BBOF1: variants seen among roughly 807,000 people sequenced by gnomAD.
BBOF1 encodes basal body orientation factor 1, also known as basal body-orientation factor 1.
Under a neutral mutation model 68.0 loss-of-function variants are expected in BBOF1, and 62 were observed. The observed-to-expected ratio is 0.91, with a 90% CI of 0.74 to 1.13. The LOEUF is 1.13. Ranked by LOEUF, BBOF1 falls within the 50% of genes most tolerant of loss-of-function variation. The probability of loss-of-function intolerance (pLI) is 0.00; values close to 1 mark genes in which losing one functional copy is unlikely to be tolerated. For synonymous variants in BBOF1, 208 were observed against 198.8 expected, an observed-to-expected ratio of 1.05 and a Z score of -0.39; for missense variants, 534 against 600.1, an observed-to-expected ratio of 0.89 and a Z score of 1.15.
chr14:74,067,492 A>G (rs199734973), downstream of BBOF1: 3 of 1,614,232 alleles, frequency 1.9e-6, no homozygotes, highest in East Asian at 6.7e-5. Flanking sequence ...CAGCAGCTCC[A>G]AATGCTGCCC....
intron 6 of BBOF1, 128 bp from the exon 7 acceptor site, chr14:74,047,802 A>G: frequency 1.3e-6 from 1 of 757,720 alleles, no homozygotes; most frequent in Non-Finnish European, 2.0e-6. Flanking sequence ...CTGAGTACCC[A>G]CCATAAGCTA....
At chr14:74,051,387 T>C (rs1566813916) in intron 8 of BBOF1, among the ~76,000 whole-genome samples, 1 of 151,626 alleles carries the variant, frequency 6.6e-6, no homozygotes, top group Non-Finnish European at 1.5e-5. Context: ...CACTCCAGCC[T>C]GGGCAACAGA....
chr14:74,081,798 G>A (rs187285048), intron 12 of BBOF1, among the ~76,000 whole-genome samples: 98 of 152,290 alleles, frequency 6.4e-4, no homozygotes, highest in Admixed American at 1.4e-3. Context: ...GTAAGCCTAT[G>A]TCAGTGCCTA....
At chr14:74,042,157 G>A (rs1339515051) in intron 5 of BBOF1, among the ~76,000 whole-genome samples, 1 of 152,218 alleles carries the variant, frequency 6.6e-6, no homozygotes, top group Non-Finnish European at 1.5e-5. Context: ...TCACAGGCAT[G>A]AGCTACCATG....
At chr14:74,067,398 T>G, downstream of BBOF1, 1 of 1,613,598 alleles carries the variant, frequency 6.2e-7, no homozygotes, top group Non-Finnish European at 8.5e-7. Context: ...ACTCTCAGGT[T>G]TTTGGCATGC....
rs2139599248 is a variant in BBOF1 at position 74,048,055 on chromosome 14, C to CTT, written c.775_776dup (p.Leu259PhefsTer35). 1 of 1,610,794 alleles carries CTT rather than the reference C, an allele frequency of 6.2e-7. No individual in the cohort carries two copies. Among genetic ancestry groups the CTT allele is most frequent in the Admixed American group, 1.7e-5 (1 of 59,284 alleles). On this transcript the variant is annotated frameshift_variant, in exon 7 of 12. Coordinates refer to ENST00000394009, the MANE Select transcript of BBOF1 (RefSeq NM_025057.3). LOFTEE classifies it high-confidence loss of function. ...TCCCAGAAGTTGCAAGAGAGTCATA[C>CTT]TTTACTTTTACATCAAAAGGTTCCC...
In BBOF1 at chr14:74,022,792, C is replaced by A; in HGVS notation, c.57-124C>A. 3 of 415,780 alleles carry A rather than the reference C, an allele frequency of 7.2e-6. No individual in the cohort carries two copies. In the East Asian group the frequency reaches 1.1e-4, roughly 15 times the overall value. 25.8% of individuals were successfully genotyped at this position (415,780 alleles called of 1,614,324 possible). A position where few individuals can be genotyped will look rare whatever the true frequency, so the allele number is the denominator to read the frequency against. ...ACAATATTTGATCATGTGTGCCAGGCAATGCCAAGCAAAACAAATAAAAAA... is the reference window on the plus strand; with the variant it reads ...ACAATATTTGATCATGTGTGCCAGGAAATGCCAAGCAAAACAAATAAAAAA... On this transcript the variant is annotated intron_variant, in intron 1 of 11. Transcript: ENST00000394009.
chr14:74,035,281 A>G (rs2059668271), intron 4 of BBOF1, among the ~76,000 whole-genome samples: 1 of 152,042 alleles, frequency 6.6e-6, no homozygotes, highest in Admixed American at 6.6e-5. Context: ...GAAATACTTT[A>G]GTATAGCAAA....
In BBOF1 at chr14:74,058,704, T is replaced by C. The variant is rs72725924; in HGVS notation, c.1578+1446T>C. ...GCAGGAAAATAAAAAGAGGATTCAA[T>C]TGGATTGGTACTGCAAAAAGAATCC... On this transcript the variant is annotated intron_variant, in intron 11 of 11. Coordinates refer to ENST00000394009, the MANE Select transcript of BBOF1 (RefSeq NM_025057.3). The C allele has an allele frequency of 6.6e-6, 1 of 152,164 alleles. No homozygotes were observed. Among genetic ancestry groups the C allele is most frequent in the Non-Finnish European group, 1.5e-5 (1 of 68,026 alleles). 9.4% of individuals were successfully genotyped at this position (152,164 alleles called of 1,614,324 possible).
At chr14:74,056,474 ACAGG>A (rs202053046) in intron 9 of BBOF1, among the ~76,000 whole-genome samples, 2,070 of 152,042 alleles carry the variant, frequency 0.014, 46 homozygotes, top group African/African-American at 0.046. Context: ...TGCTGAGATT[ACAGG>A]CATGAGCCAC....
chr14:74,076,117 G>T (rs1333487170), intron 9 of BBOF1, among the ~76,000 whole-genome samples: 1 of 152,180 alleles, frequency 6.6e-6, no homozygotes. Flanking sequence ...TATGTTGATT[G>T]TGATGCTATT....
chr14:74,064,768 A>G lies in BBOF1; in HGVS notation c.*69A>G. Reference sequence around the variant, plus strand: ...CCTTGCAGAATCCTTGCTCCTGAATATCTTTAAGAAAATTTCTTAAAGGAA... The same window carrying G: ...CCTTGCAGAATCCTTGCTCCTGAATGTCTTTAAGAAAATTTCTTAAAGGAA... On this transcript the variant is annotated 3_prime_UTR_variant, in exon 12 of 12. Transcript: ENST00000394009. 6.2e-7 allele frequency: 1 copy of G among 1,611,446 alleles called. No homozygotes were observed. The highest frequency in any genetic ancestry group is 8.5e-7 in the Non-Finnish European group (1 of 1,177,552).
chr14:74,040,508 C>A, intron 4 of BBOF1, 57 bp from the exon 5 acceptor site: 1 of 1,048,290 alleles, frequency 9.5e-7, no homozygotes, highest in Non-Finnish European at 1.4e-6. Flanking sequence ...TGAGAATGTG[C>A]TCAATGACCC....
chr14:74,051,257 C>G (rs2060062346), intron 8 of BBOF1, among the ~76,000 whole-genome samples: 1 of 149,730 alleles, frequency 6.7e-6, no homozygotes, highest in South Asian at 2.1e-4. Context: ...AAAAACAAAA[C>G]AAAAAACAAA....
intron 10 of BBOF1, among the ~76,000 whole-genome samples, chr14:74,078,703 A>ATTTTTTTTTT (rs2060639658): frequency 6.7e-6 from 1 of 149,818 alleles, no homozygotes; most frequent in African/African-American, 2.5e-5. Context: ...AATTTTTTGT[A>ATTTTTTTTTT]TTTTTAGTAG....
At chr14:74,067,730 C>G (rs184040196), downstream of BBOF1, among the ~76,000 whole-genome samples, 3 of 151,942 alleles carry the variant, frequency 2.0e-5, no homozygotes, top group Admixed American at 6.6e-5. Flanking sequence ...TCAAGACCAG[C>G]CTAGGCAACA....
intron 8 of BBOF1, among the ~76,000 whole-genome samples, chr14:74,051,591 G>GT (rs1252144789): frequency 6.6e-6 from 1 of 151,722 alleles, no homozygotes; most frequent in Admixed American, 6.6e-5. Context: ...GTAACAGAAT[G>GT]TTTGAGACAG....
downstream of BBOF1, among the ~76,000 whole-genome samples, chr14:74,070,382 G>A (rs10129383): frequency 0.022 from 3,307 of 152,088 alleles, 79 homozygotes; most frequent in African/African-American, 0.061. Context: ...AGTGGGGCAC[G>A]GTGGCGCATG....
At chr14:74,069,775 A>G (rs2060523427), downstream of BBOF1, among the ~76,000 whole-genome samples, 1 of 151,742 alleles carries the variant, frequency 6.6e-6, no homozygotes, top group South Asian at 2.1e-4. Flanking sequence ...AAATATAAAA[A>G]TAAATTCTAT....
Sources: gnomAD v4.1 joint callset for allele counts (sites outside exome capture counted in the v4.1 genomes callset) on GRCh38, gnomAD v4.1.1 for gene constraint, MANE v1.5 for transcripts, NCBI Gene and HGNC (gene_info 2026-07-23, HGNC 2026-07-21) for gene names.